The following CNTN5 variants were observed in gnomAD, a reference collection of about 807,000 sequenced individuals.
CNTN5 encodes contactin-5.
A neutral mutation model predicts 129.1 loss-of-function variants in CNTN5; 77 were observed. The ratio of observed to expected loss-of-function variants is 0.60; its 90% CI spans 0.50 to 0.72. The LOEUF (loss-of-function observed/expected upper bound fraction) is 0.72, where lower values mean the gene tolerates loss of function less well. CNTN5 is among the 30% of genes least tolerant of loss of function. The pLI is 0.00. For missense variants in CNTN5, 1,478 were observed against 1,328.8 expected (o/e 1.11, Z -1.75); for synonymous variants, 509 against 465.6 (o/e 1.09, Z -1.20).
intron 1 of CNTN5, among the ~76,000 whole-genome samples, chr11:99,099,069 C>T (rs1442883511): frequency 6.6e-6 from 1 of 152,088 alleles, no homozygotes; most frequent in East Asian, 1.9e-4. Context: ...GCTTATTTTG[C>T]ATGGGCCAGC....
At chr11:99,133,615 C>CAAAAAAAAAAAAAAA (rs566769880) in intron 1 of CNTN5, among the ~76,000 whole-genome samples, 3 of 105,996 alleles carry the variant, frequency 2.8e-5, no homozygotes, top group East Asian at 2.8e-4. Flanking sequence ...AGACACTTCT[C>CAAAAAAAAAAAAAAA]AAGAAAAAAA....
chr11:99,057,327 T>A (rs1449761194), intron 1 of CNTN5, among the ~76,000 whole-genome samples: 1 of 152,056 alleles, frequency 6.6e-6, no homozygotes, highest in East Asian at 1.9e-4. Context: ...ACAAAGCAGG[T>A]TTGTATTGCT....
chr11:99,492,802 C>G (rs1180859250), intron 2 of CNTN5, among the ~76,000 whole-genome samples: 6 of 152,026 alleles, frequency 3.9e-5, no homozygotes, highest in South Asian at 2.1e-4. Flanking sequence ...GAAGGGGAGC[C>G]AGGCATGCAG....
chr11:99,587,616 A>G (rs954891675), intron 3 of CNTN5, among the ~76,000 whole-genome samples: 3 of 151,756 alleles, frequency 2.0e-5, no homozygotes, highest in Non-Finnish European at 4.4e-5. Context: ...ACCACTCAGA[A>G]TTTGAAAGAT....
rs115470038 is a variant in CNTN5, at chr11:99,585,467, C to G, written c.55+29198C>G. Among the ~76,000 whole-genome samples, 479 of 152,148 alleles carry G rather than the reference C, an allele frequency of 3.1e-3. 6 individuals are homozygous for G. The highest frequency in any genetic ancestry group is 0.011 in the African/African-American group (454 of 41,520). The stretch of plus-strand genomic sequence containing the variant: ...AATGCCACTCTTCTTACAGGCTTTA[C>G]ATTTTGTCTTGAAAAATATGGTTAT... On this transcript the variant is annotated intron_variant, in intron 3 of 24. Coordinates refer to ENST00000524871, the MANE Select transcript of CNTN5 (RefSeq NM_014361.4).
chr11:100,151,499 T>C (rs1391406564), intron 13 of CNTN5, among the ~76,000 whole-genome samples: 1 of 152,102 alleles, frequency 6.6e-6, no homozygotes, highest in African/African-American at 2.4e-5. Flanking sequence ...GTGCAAGCCA[T>C]ATAATATCAG....
intron 3 of CNTN5, among the ~76,000 whole-genome samples, chr11:99,598,375 CCTCT>C (rs1314553033): frequency 3.1e-4 from 3 of 9,638 alleles, no homozygotes; most frequent in African/African-American, 5.1e-4. Flanking sequence ...TCTCTCTCTC[CCTCT>C]CTCTCTCTGT....
At chr11:99,819,883 C>G (rs936151212) in intron 4 of CNTN5, 118 bp downstream of exon 4, 1 of 709,946 alleles carries the variant, frequency 1.4e-6, no homozygotes, top group Non-Finnish European at 2.3e-6. Flanking sequence ...GAACTCAACT[C>G]TGCTAAAAAT....
chr11:99,980,284 T>A (rs1490062028), intron 8 of CNTN5, among the ~76,000 whole-genome samples: 4 of 152,218 alleles, frequency 2.6e-5, no homozygotes. Context: ...CTTCATAGAT[T>A]ATATGTGAAT....
rs77629596 is a variant in CNTN5 at position 99,828,412 on chromosome 11, G to A, written c.277+8647G>A. On this transcript the variant is annotated intron_variant, in intron 4 of 24. Coordinates refer to ENST00000524871, the MANE Select transcript of CNTN5 (RefSeq NM_014361.4). Reference sequence around the variant, plus strand: ...GTGCTAGAATCTGGTGGGGACATTCGTGCTGTGTCATCATATGGTGAAGAT... The same window carrying A: ...GTGCTAGAATCTGGTGGGGACATTCATGCTGTGTCATCATATGGTGAAGAT... Among the ~76,000 whole-genome samples, 1,019 of 152,256 alleles carry A rather than the reference G, an allele frequency of 6.7e-3. 10 individuals are homozygous for A. The highest frequency in any genetic ancestry group is 0.023 in the African/African-American group (960 of 41,540).
chr11:99,791,203 C>A (rs886643374), intron 3 of CNTN5, among the ~76,000 whole-genome samples: 1 of 151,770 alleles, frequency 6.6e-6, no homozygotes, highest in Non-Finnish European at 1.5e-5. Flanking sequence ...GGGTCTTAGT[C>A]ATGAACTCTT....
intron 16 of CNTN5, among the ~76,000 whole-genome samples, chr11:100,248,381 T>TA (rs1193761318): frequency 3.3e-5 from 5 of 151,660 alleles, no homozygotes; most frequent in African/African-American, 9.7e-5. Context: ...CCCATCTCTA[T>TA]AAAAAAATTA....
chr11:99,415,315 T>TAA (rs141479273), intron 2 of CNTN5, among the ~76,000 whole-genome samples: 7 of 149,368 alleles, frequency 4.7e-5, no homozygotes, highest in Non-Finnish European at 7.4e-5. Flanking sequence ...TGTGACTGGA[T>TAA]AAAAAAAAAA....
intron 2 of CNTN5, among the ~76,000 whole-genome samples, chr11:99,480,139 T>C (rs890879653): frequency 2.6e-5 from 4 of 152,172 alleles, no homozygotes; most frequent in Non-Finnish European, 2.9e-5. Context: ...CTGGTACATA[T>C]TAACTATATG....
chr11:99,447,218 T>G (rs1320023628), intron 2 of CNTN5, among the ~76,000 whole-genome samples: 1 of 152,216 alleles, frequency 6.6e-6, no homozygotes, highest in Admixed American at 6.5e-5. Flanking sequence ...ATGTAGGGAT[T>G]GACATTCATG....
chr11:100,120,753 A>C (rs1004067257), intron 13 of CNTN5, among the ~76,000 whole-genome samples: 6 of 151,974 alleles, frequency 3.9e-5, no homozygotes, highest in African/African-American at 1.4e-4. Context: ...GGTTGACTCT[A>C]TATTAATCAA....
intron 4 of CNTN5, among the ~76,000 whole-genome samples, chr11:99,843,955 C>G (rs1947598375): frequency 6.6e-6 from 1 of 152,192 alleles, no homozygotes; most frequent in Non-Finnish European, 1.5e-5. Context: ...TGTGGGCTGA[C>G]ATAACTTGTA....
At chr11:99,077,248 A>C (rs149759641) in intron 1 of CNTN5, among the ~76,000 whole-genome samples, 1 of 152,362 alleles carries the variant, frequency 6.6e-6, no homozygotes, top group African/African-American at 2.4e-5. Flanking sequence ...AGTAAAAGTT[A>C]AGTGATATAT....
At chr11:99,184,194 T>A (rs1310367884) in intron 1 of CNTN5, among the ~76,000 whole-genome samples, 2 of 152,196 alleles carry the variant, frequency 1.3e-5, no homozygotes, top group Middle Eastern at 3.4e-3. Context: ...AAGATAAAAT[T>A]TTACTTCTTC....
Sources: gnomAD v4.1 joint callset for allele counts (sites outside exome capture counted in the v4.1 genomes callset) on GRCh38, gnomAD v4.1.1 for gene constraint, MANE v1.5 for transcripts, NCBI Gene and HGNC (gene_info 2026-07-23, HGNC 2026-07-21) for gene names.